The following PCDH9 variants were observed in gnomAD, a reference collection of about 807,000 sequenced individuals.
The protein encoded by PCDH9 is protocadherin 9, also known as protocadherin-9.
PCDH9 carries 24 observed loss-of-function variants against 70.6 expected under a neutral mutation model. The observed-to-expected ratio is 0.34, with a 90% confidence interval of 0.25 to 0.48. The LOEUF (loss-of-function observed/expected upper bound fraction) is 0.48, where lower values mean the gene tolerates loss of function less well. PCDH9 is among the 20% of genes least tolerant of loss of function. The pLI is 0.99. For synonymous variants in PCDH9, 562 were observed against 558.5 expected, an observed-to-expected ratio of 1.01 and a Z score of -0.09; for missense variants, 1,281 against 1,503.6, an observed-to-expected ratio of 0.85 and a Z score of 2.45.
chr13:66,838,380 A>T (rs1382131073), intron 3 of PCDH9, among the ~76,000 whole-genome samples: 1 of 152,214 alleles, frequency 6.6e-6, no homozygotes, highest in South Asian at 2.1e-4. Flanking sequence ...TTTTAAAAAA[A>T]AAATTCATTG....
At chr13:67,063,159 T>C (rs1429401886) in intron 2 of PCDH9, among the ~76,000 whole-genome samples, 2 of 152,164 alleles carry the variant, frequency 1.3e-5, no homozygotes, top group African/African-American at 4.8e-5. Flanking sequence ...TTTGTGGTCT[T>C]AGCTGATGGA....
intron 2 of PCDH9, among the ~76,000 whole-genome samples, chr13:67,067,063 T>C (rs567542248): frequency 1.3e-5 from 2 of 152,280 alleles, no homozygotes; most frequent in Admixed American, 1.3e-4. Context: ...GCTGTCAGGC[T>C]TGCTGCGGTT....
intron 3 of PCDH9, among the ~76,000 whole-genome samples, chr13:66,764,183 A>C (rs1427614471): frequency 2.0e-5 from 3 of 151,930 alleles, no homozygotes; most frequent in Non-Finnish European, 2.9e-5. Flanking sequence ...AATATGGACA[A>C]GATTTATATA....
At chr13:66,643,578 T>C (rs1166664120) in intron 3 of PCDH9, among the ~76,000 whole-genome samples, 3 of 152,052 alleles carry the variant, frequency 2.0e-5, no homozygotes, top group Admixed American at 6.5e-5. Context: ...CTAAGGATAA[T>C]TTGTTTCTTC....
intron 4 of PCDH9, among the ~76,000 whole-genome samples, chr13:66,561,502 C>T (rs554272918): frequency 1.3e-5 from 2 of 152,338 alleles, no homozygotes; most frequent in South Asian, 2.1e-4. Flanking sequence ...CTGGTGGGAA[C>T]TTGGAGAACC....
At chr13:66,773,507 T>G (rs1490475811) in intron 3 of PCDH9, among the ~76,000 whole-genome samples, 2 of 150,168 alleles carry the variant, frequency 1.3e-5, no homozygotes, top group African/African-American at 4.9e-5. Context: ...GGCGGGCGCC[T>G]GTAGTCCCAG....
At chr13:66,910,072 G>C (rs527605294) in intron 2 of PCDH9, among the ~76,000 whole-genome samples, 1 of 152,116 alleles carries the variant, frequency 6.6e-6, no homozygotes, top group African/African-American at 2.4e-5. Context: ...TTTCCACCTA[G>C]AGATACCCTT....
intron 4 of PCDH9, among the ~76,000 whole-genome samples, chr13:66,484,282 C>T (rs879762650): frequency 2.6e-5 from 4 of 152,054 alleles, no homozygotes; most frequent in African/African-American, 7.2e-5. Context: ...TTGAGACACA[C>T]GTCCACTGGG....
At chr13:66,392,488 C>T (rs1248757465) in intron 4 of PCDH9, among the ~76,000 whole-genome samples, 2 of 152,110 alleles carry the variant, frequency 1.3e-5, no homozygotes, top group Admixed American at 6.6e-5. Flanking sequence ...CTACCATTCT[C>T]CCCAGAATGA....
intron 3 of PCDH9, among the ~76,000 whole-genome samples, chr13:66,774,383 G>A (rs1433996938): frequency 6.6e-6 from 1 of 152,040 alleles, no homozygotes; most frequent in East Asian, 1.9e-4. Flanking sequence ...CCAAACAGAT[G>A]GTTTACCATC....
chr13:66,908,921 C>T (rs2082410440), intron 2 of PCDH9, among the ~76,000 whole-genome samples: 1 of 152,010 alleles, frequency 6.6e-6, no homozygotes, highest in Admixed American at 6.6e-5. Flanking sequence ...TAAATGCAAT[C>T]ATATCATAGA....
At chr13:66,923,025 A>C (rs116648858) in intron 2 of PCDH9, among the ~76,000 whole-genome samples, 1,687 of 151,530 alleles carry the variant, frequency 0.011, 36 homozygotes, top group African/African-American at 0.039. Context: ...GAGAATATTT[A>C]TACGTAAGTC....
At chr13:66,433,156 T>TAAAG (rs1340198645) in intron 4 of PCDH9, among the ~76,000 whole-genome samples, 1 of 151,962 alleles carries the variant, frequency 6.6e-6, no homozygotes, top group Non-Finnish European at 1.5e-5. Context: ...ATCAACACAC[T>TAAAG]TATTAAATGT....
At chr13:66,632,219 G>A (rs1421280536) in intron 3 of PCDH9, among the ~76,000 whole-genome samples, 11 of 152,082 alleles carry the variant, frequency 7.2e-5, no homozygotes, top group East Asian at 1.9e-4. Flanking sequence ...AAAGGACACC[G>A]TACCCATGTA....
chr13:67,222,212 C>T (rs563222360), intron 2 of PCDH9: 1 of 148,586 alleles, frequency 6.7e-6, no homozygotes, highest in Admixed American at 6.8e-5. Flanking sequence ...TCGTTTTCAT[C>T]CTCTTCACCT....
intron 2 of PCDH9, among the ~76,000 whole-genome samples, chr13:67,077,601 T>C: frequency 6.6e-6 from 1 of 152,212 alleles, no homozygotes; most frequent in East Asian, 1.9e-4. Flanking sequence ...CATAATAGAA[T>C]ACGTATTTGT....
At chr13:66,858,802 C>T (rs2081436395) in intron 3 of PCDH9, among the ~76,000 whole-genome samples, 1 of 152,020 alleles carries the variant, frequency 6.6e-6, no homozygotes, top group East Asian at 1.9e-4. Flanking sequence ...ATGTCTGACT[C>T]CTTGATTAGG....
At chr13:67,165,310 T>C (rs2088080804) in intron 2 of PCDH9, among the ~76,000 whole-genome samples, 1 of 152,172 alleles carries the variant, frequency 6.6e-6, no homozygotes, top group African/African-American at 2.4e-5. Flanking sequence ...TTGTTGTTTA[T>C]CTGATTTTAA....
chr13:66,372,984 C>T (rs1956684731), intron 4 of PCDH9, among the ~76,000 whole-genome samples: 3 of 151,882 alleles, frequency 2.0e-5, no homozygotes, highest in Admixed American at 2.0e-4. Flanking sequence ...GAGTATAATA[C>T]ATATCCAAAA....
Sources: allele counts gnomAD v4.1 joint callset (sites outside exome capture counted in the v4.1 genomes callset), GRCh38; gene constraint gnomAD v4.1.1; transcripts MANE v1.5; gene names NCBI Gene and HGNC (gene_info 2026-07-23, HGNC 2026-07-21).